The following SLC9A9 variants were observed in gnomAD, a reference collection of about 807,000 sequenced individuals.
SLC9A9 encodes solute carrier family 9 member A9.
A neutral mutation model predicts 77.8 loss-of-function variants in SLC9A9; 62 were observed. The ratio of observed to expected loss-of-function variants is 0.80; its 90% CI spans 0.65 to 0.98. SLC9A9 has a LOEUF of 0.98. Ranked by LOEUF, SLC9A9 falls within the 50% of genes least tolerant of loss-of-function variation. The probability of loss-of-function intolerance (pLI) is 0.00; values close to 1 mark genes in which losing one functional copy is unlikely to be tolerated. For missense variants in SLC9A9, 775 were observed against 774.9 expected (o/e 1.00, Z 0.00); for synonymous variants, 320 against 283.5 (o/e 1.13, Z -1.29).
chr3:143,614,622 A>T (rs2038074661), intron 6 of SLC9A9, among the ~76,000 whole-genome samples: 1 of 151,990 alleles, frequency 6.6e-6, no homozygotes, highest in South Asian at 2.1e-4. Flanking sequence ...TTCAATAGGG[A>T]TCCAAGATGA....
intron 15 of SLC9A9, among the ~76,000 whole-genome samples, chr3:143,268,667 A>G (rs557595873): frequency 7.2e-6 from 1 of 137,964 alleles, no homozygotes; most frequent in Non-Finnish European, 1.5e-5. Flanking sequence ...CGGGAGGCGG[A>G]GCTTGCAGTG....
chr3:143,721,948 G>A (rs78910108), intron 4 of SLC9A9, among the ~76,000 whole-genome samples: 3,827 of 152,238 alleles, frequency 0.025, 63 homozygotes, highest in Middle Eastern at 0.041. Flanking sequence ...TCAGCAATCC[G>A]ACTAGGCAGC....
chr3:143,456,791 C>T (rs2035100970), intron 12 of SLC9A9, among the ~76,000 whole-genome samples: 1 of 152,088 alleles, frequency 6.6e-6, no homozygotes, highest in Admixed American at 6.6e-5. Flanking sequence ...TCTCGAACTC[C>T]TGACCTCATG....
chr3:143,764,705 C>CA (rs2007243922), intron 4 of SLC9A9, among the ~76,000 whole-genome samples: 1 of 152,118 alleles, frequency 6.6e-6, no homozygotes, highest in South Asian at 2.1e-4. Flanking sequence ...CTACATCATG[C>CA]ACTACCATAC....
chr3:143,840,244 C>A, intron 1 of SLC9A9, among the ~76,000 whole-genome samples: 1 of 36,658 alleles, frequency 2.7e-5, no homozygotes, highest in East Asian at 1.0e-3. Flanking sequence ...GATAGTAGTT[C>A]CTACCAACAT....
intron 11 of SLC9A9, among the ~76,000 whole-genome samples, chr3:143,473,295 A>G (rs146910325): frequency 1.3e-5 from 2 of 152,260 alleles, no homozygotes; most frequent in Non-Finnish European, 2.9e-5. Context: ...ACCTAGCTTT[A>G]TGAGGTCACG....
At chr3:143,756,555 T>C (rs2006929865) in intron 4 of SLC9A9, among the ~76,000 whole-genome samples, 1 of 152,202 alleles carries the variant, frequency 6.6e-6, no homozygotes, top group Non-Finnish European at 1.5e-5. Flanking sequence ...AAGTACTTAT[T>C]TTCAAAAGTA....
chr3:143,736,788 CA>C (rs962274651), intron 4 of SLC9A9, among the ~76,000 whole-genome samples: 2 of 152,144 alleles, frequency 1.3e-5, no homozygotes, highest in African/African-American at 4.8e-5. Context: ...AGTTCTTGAG[CA>C]AAGGGCTAAC....
chr3:143,400,592 C>T, intron 12 of SLC9A9, among the ~76,000 whole-genome samples: 1 of 151,856 alleles, frequency 6.6e-6, no homozygotes, highest in East Asian at 1.9e-4. Flanking sequence ...GTGTATACTA[C>T]TCGGGTGATA....
At chr3:143,509,328 C>G (rs543554033) in intron 9 of SLC9A9, among the ~76,000 whole-genome samples, 11 of 152,252 alleles carry the variant, frequency 7.2e-5, no homozygotes, top group East Asian at 1.9e-4. Context: ...GTTTGCTTAA[C>G]TTGTTCCTTT....
chr3:143,266,860 G>GC lies in SLC9A9; in HGVS notation c.1779dup (p.Gln594AlafsTer30), dbSNP rs757881339. 3.2e-5 allele frequency: 52 copies of GC among 1,614,068 alleles called. No homozygotes were observed. Among genetic ancestry groups the GC allele is most frequent in the Admixed American group, 2.7e-4 (16 of 60,006 alleles). The stretch of plus-strand genomic sequence containing the variant: ...GGAGGACTGCAGGGTGAGGAGGCTT[G>GC]CTCCTGGTAATTTATGGCTAGTTCA... On this transcript the variant is annotated frameshift_variant, in exon 16 of 16. Coordinates refer to ENST00000316549, the MANE Select transcript of SLC9A9 (RefSeq NM_173653.4). LOFTEE classifies it high-confidence loss of function.
At chr3:143,743,516 A>C (rs908962835) in intron 4 of SLC9A9, among the ~76,000 whole-genome samples, 2 of 152,124 alleles carry the variant, frequency 1.3e-5, no homozygotes, top group Non-Finnish European at 2.9e-5. Context: ...TTGATGTCCA[A>C]AGGTGGGGGA....
intron 12 of SLC9A9, among the ~76,000 whole-genome samples, chr3:143,445,141 T>A (rs144210763): frequency 7.2e-4 from 110 of 152,354 alleles, no homozygotes; most frequent in African/African-American, 2.5e-3. Flanking sequence ...ACTCTTTAGA[T>A]ACATTCTTGG....
intron 2 of SLC9A9, among the ~76,000 whole-genome samples, chr3:143,818,468 A>G (rs919224860): frequency 1.3e-5 from 2 of 152,040 alleles, no homozygotes; most frequent in African/African-American, 4.8e-5. Context: ...CGCCACGCCC[A>G]GCTGATTTTT....
At chr3:143,344,599 G>A (rs968384732) in intron 14 of SLC9A9, 5 of 152,132 alleles carry the variant, frequency 3.3e-5, no homozygotes, top group African/African-American at 1.2e-4. Context: ...AAGAAGGTAA[G>A]GCATTAGTCC....
chr3:143,476,883 T>C (rs947781038), intron 11 of SLC9A9, among the ~76,000 whole-genome samples: 10 of 152,196 alleles, frequency 6.6e-5, no homozygotes, highest in African/African-American at 2.2e-4. Flanking sequence ...CATTCTGCAA[T>C]GTTCAAGACA....
intron 12 of SLC9A9, among the ~76,000 whole-genome samples, chr3:143,453,340 G>T (rs1456395626): frequency 6.6e-6 from 1 of 151,980 alleles, no homozygotes; most frequent in African/African-American, 2.4e-5. Flanking sequence ...AAAGCCTTTA[G>T]TTCATGTTAT....
chr3:143,821,671 C>T (rs1445854137), intron 2 of SLC9A9, among the ~76,000 whole-genome samples: 1 of 152,140 alleles, frequency 6.6e-6, no homozygotes, highest in Non-Finnish European at 1.5e-5. Flanking sequence ...ACCTCACAAG[C>T]CCTGATTTGT....
At chr3:143,803,990 A>G (rs1362391083) in intron 2 of SLC9A9, among the ~76,000 whole-genome samples, 1 of 152,048 alleles carries the variant, frequency 6.6e-6, no homozygotes, top group Non-Finnish European at 1.5e-5. Flanking sequence ...CTTTCTCCTT[A>G]TATTAACTCT....
Sources: allele counts gnomAD v4.1 joint callset (sites outside exome capture counted in the v4.1 genomes callset), GRCh38; gene constraint gnomAD v4.1.1; transcripts MANE v1.5; gene names NCBI Gene and HGNC (gene_info 2026-07-23, HGNC 2026-07-21).